Variants in SMOC1 observed in about 807,000 individuals in gnomAD.
SMOC1 encodes SPARC related modular calcium binding 1.
Under a neutral mutation model 56.3 loss-of-function variants are expected in SMOC1, and 22 were observed. The observed-to-expected ratio is 0.39, with a 90% CI of 0.28 to 0.56. The LOEUF (loss-of-function observed/expected upper bound fraction) is 0.56. Among genes scored for constraint, SMOC1 ranks in the 20% least tolerant of loss-of-function variants. SMOC1 has a pLI of 0.61. For synonymous variants in SMOC1, 193 were observed against 215.0 expected, an observed-to-expected ratio of 0.90 and a Z score of 0.89; for missense variants, 509 against 565.4, an observed-to-expected ratio of 0.90 and a Z score of 1.01.
At chr14:69,890,117 A>G (rs1182927369) in intron 1 of SMOC1, among the ~76,000 whole-genome samples, 5 of 152,214 alleles carry the variant, frequency 3.3e-5, no homozygotes, top group African/African-American at 9.6e-5. Flanking sequence ...CCTGGCTCAT[A>G]GAAAGTGCTT....
chr14:69,897,144 C>A (rs141756261), intron 1 of SMOC1, among the ~76,000 whole-genome samples: 1 of 152,142 alleles, frequency 6.6e-6, no homozygotes, highest in Non-Finnish European at 1.5e-5. Flanking sequence ...TCTGGCCCCC[C>A]CTCCTCTCAA....
intron 8 of SMOC1, among the ~76,000 whole-genome samples, 184 bp from the exon 9 acceptor site, chr14:70,011,301 T>C (rs1885327373): frequency 6.6e-6 from 1 of 152,162 alleles, no homozygotes; most frequent in Non-Finnish European, 1.5e-5. Flanking sequence ...TGCCTGAACA[T>C]GTCTCAGTGG....
intron 1 of SMOC1, among the ~76,000 whole-genome samples, chr14:69,950,858 T>G (rs1181377692): frequency 2.0e-5 from 3 of 152,250 alleles, no homozygotes; most frequent in Non-Finnish European, 4.4e-5. Context: ...GGTCGATTGT[T>G]GTGTAACAAA....
chr14:69,964,037 G>T (rs963056806), intron 3 of SMOC1, among the ~76,000 whole-genome samples: 1 of 152,186 alleles, frequency 6.6e-6, no homozygotes. Context: ...CCCACTCTCT[G>T]CTCTGTCCTG....
intron 1 of SMOC1, among the ~76,000 whole-genome samples, chr14:69,946,830 C>A (rs568575898): frequency 1.3e-5 from 2 of 152,322 alleles, no homozygotes; most frequent in East Asian, 1.9e-4. Flanking sequence ...TGGGGTGCAT[C>A]CCTCATGGCT....
At chr14:69,990,137 G>A (rs1161359926) in intron 5 of SMOC1, among the ~76,000 whole-genome samples, 3 of 152,174 alleles carry the variant, frequency 2.0e-5, no homozygotes, top group Admixed American at 6.5e-5. Context: ...GAAATCTGTG[G>A]AGGTCCTTGA....
intron 11 of SMOC1, among the ~76,000 whole-genome samples, chr14:70,028,016 C>T (rs1364543378): frequency 6.6e-6 from 1 of 152,048 alleles, no homozygotes; most frequent in Non-Finnish European, 1.5e-5. Flanking sequence ...CTGCGAGGGG[C>T]TTGCATGCTA....
chr14:69,990,217 G>A (rs1594841974), intron 5 of SMOC1, among the ~76,000 whole-genome samples: 2 of 152,340 alleles, frequency 1.3e-5, no homozygotes, highest in East Asian at 3.9e-4. Flanking sequence ...CTTTGCTGAT[G>A]GCTGGGCCCG....
At position 69,922,932 on chromosome 14, in the gene SMOC1, C is replaced by CTTTTTTTTT. The variant is rs536127994; in HGVS notation, c.100-29198_100-29197insTTTTTTTTT. On this transcript the variant is annotated intron_variant, in intron 1 of 11. Transcript: ENST00000361956. The stretch of plus-strand genomic sequence containing the variant: ...GGTCCTAGAGCAGGGTCTCAGCCCT[C>CTTTTTTTTT]TTTTTTTTGTTTTTTTTGTTTTTTG... Among the ~76,000 whole-genome samples the CTTTTTTTTT allele has an allele frequency of 3.4e-4, 50 of 147,736 alleles. 1 individual carries two copies. The highest frequency in any genetic ancestry group is 6.8e-3 in the Middle Eastern group (2 of 292).
At chr14:69,889,929 A>C (rs1436551429) in intron 1 of SMOC1, among the ~76,000 whole-genome samples, 1 of 151,930 alleles carries the variant, frequency 6.6e-6, no homozygotes, top group African/African-American at 2.4e-5. Context: ...CAGTTTAAGG[A>C]CTCTTGTGAT....
intron 5 of SMOC1, among the ~76,000 whole-genome samples, chr14:69,986,621 A>G (rs533873824): frequency 6.6e-5 from 10 of 152,306 alleles, no homozygotes; most frequent in African/African-American, 2.4e-4. Flanking sequence ...ATTTCAAAAT[A>G]AAAAGTTAAA....
chr14:69,992,875 A>T (rs1228994297), intron 6 of SMOC1, among the ~76,000 whole-genome samples: 1 of 152,106 alleles, frequency 6.6e-6, no homozygotes, highest in Admixed American at 6.6e-5. Flanking sequence ...CCTCTGGGGG[A>T]TGAAAAGGAG....
rs1884028820 is a variant in SMOC1, at chr14:69,977,959, A to T, written c.520A>T (p.Arg174Trp). The change falls in exon 5 of 12, where the codon AGG (arginine) becomes TGG (tryptophan). Residue 174 changes from arginine to tryptophan, a missense_variant. Around this residue, in one of 3 missense-constraint regions of SMOC1, gnomAD observed 315 missense variants for 333.1 expected, o/e 0.95. Transcript: ENST00000361956. ...GCCCTTGAGCCAGGGTAACTCAGGA[A>T]GGAAAGGTGAGTGGAGTTTTATGCT... The part of the protein sequence containing the change: ...DKPLSQGNSG[R>W]KDDGSKPTPT... 1 of 1,613,684 alleles carries T rather than the reference A, an allele frequency of 6.2e-7. No individual in the cohort carries two copies. The highest frequency in any genetic ancestry group is 2.2e-5 in the East Asian group (1 of 44,878).
intron 1 of SMOC1, among the ~76,000 whole-genome samples, chr14:69,893,891 T>A (rs1884027773): frequency 6.6e-6 from 1 of 152,186 alleles, no homozygotes; most frequent in East Asian, 1.9e-4. Context: ...CCAGTCTGAC[T>A]GGTGCCCGAA....
chr14:69,920,106 C>T (rs564863534), intron 1 of SMOC1, among the ~76,000 whole-genome samples: 1 of 152,188 alleles, frequency 6.6e-6, no homozygotes, highest in Non-Finnish European at 1.5e-5. Flanking sequence ...GGCCCAGAGC[C>T]TCTATCAGGA....
At chr14:69,923,467 C>T (rs1335749125) in intron 1 of SMOC1, among the ~76,000 whole-genome samples, 1 of 152,170 alleles carries the variant, frequency 6.6e-6, no homozygotes, top group African/African-American at 2.4e-5. Context: ...AGACCTGTTT[C>T]GTTCCCTTTA....
rs757142316 is a variant in SMOC1 at position 70,010,980 on chromosome 14, C to T, written c.857+34C>T. 8.1e-6 allele frequency: 13 copies of T among 1,609,496 alleles called. No homozygotes were observed. In the East Asian group the frequency reaches 1.6e-4, roughly 19 times the overall value. ...CCCAGACTGGGTCCTGGGAAAAACG[C>T]ACCTGCTGGCTGTTATCCATGCTGG... is the stretch of plus-strand genomic sequence containing the variant. On this transcript the variant is annotated intron_variant, in intron 8 of 11. Coordinates refer to ENST00000361956, the MANE Select transcript of SMOC1 (RefSeq NM_001034852.3).
At chr14:70,008,032 A>C (rs1211946963) in intron 7 of SMOC1, among the ~76,000 whole-genome samples, 1 of 152,214 alleles carries the variant, frequency 6.6e-6, no homozygotes, top group Non-Finnish European at 1.5e-5. Flanking sequence ...AATAAAATAA[A>C]AAAGTAATAA....
chr14:70,023,111 T>A, intron 10 of SMOC1, 92 bp from the exon 11 acceptor site: 1 of 1,601,508 alleles, frequency 6.2e-7, no homozygotes, highest in South Asian at 1.1e-5. Context: ...CGTTTCTACC[T>A]GACTTTCTGG....
Sources: allele counts gnomAD v4.1 joint callset (sites outside exome capture counted in the v4.1 genomes callset), GRCh38; gene constraint gnomAD v4.1.1; regional missense constraint gnomAD v4.1.1; transcripts MANE v1.5; gene names NCBI Gene and HGNC (gene_info 2026-07-23, HGNC 2026-07-21).